GALK2: variants seen among roughly 807,000 people sequenced by gnomAD.
GALK2 encodes galactokinase 2, also known as N-acetylgalactosamine kinase.
Under a neutral mutation model 52.4 loss-of-function variants are expected in GALK2, and 36 were observed. The observed-to-expected ratio is 0.69, with a 90% CI of 0.53 to 0.91. The LOEUF is 0.91. Among genes scored for constraint, GALK2 ranks in the 40% least tolerant of loss-of-function variants. The pLI is 0.00. For synonymous variants in GALK2, 176 were observed against 199.1 expected, an observed-to-expected ratio of 0.88 and a Z score of 0.98; for missense variants, 579 against 559.1, an observed-to-expected ratio of 1.04 and a Z score of -0.36.
At chr15:49,294,172 TAAATA>T (rs1191576704) in intron 8 of GALK2, among the ~76,000 whole-genome samples, 1 of 150,428 alleles carries the variant, frequency 6.6e-6, no homozygotes, top group African/African-American at 2.4e-5. Flanking sequence ...AATAAATAAA[TAAATA>T]AATAAATAAG....
intron 3 of GALK2, among the ~76,000 whole-genome samples, chr15:49,361,673 T>C (rs2044264828): frequency 6.6e-6 from 1 of 152,104 alleles, no homozygotes; most frequent in South Asian, 2.1e-4. Flanking sequence ...GAATTCCTTA[T>C]CTTTACTATT....
chr15:49,202,991 A>G (rs1473557119), intron 2 of GALK2, among the ~76,000 whole-genome samples: 5 of 151,992 alleles, frequency 3.3e-5, no homozygotes, highest in African/African-American at 1.2e-4. Context: ...AGTCATTTGT[A>G]TGTCTTCTTT....
intron 3 of GALK2, among the ~76,000 whole-genome samples, chr15:49,352,919 T>G (rs1328999510): frequency 6.6e-6 from 1 of 152,198 alleles, no homozygotes; most frequent in Non-Finnish European, 1.5e-5. Flanking sequence ...GTTACACTGG[T>G]GTTCTGTCTT....
chr15:49,288,787 T>C (rs1428951707), intron 7 of GALK2, among the ~76,000 whole-genome samples: 2 of 152,144 alleles, frequency 1.3e-5, no homozygotes, highest in African/African-American at 2.4e-5. Context: ...TTGAAAGCAG[T>C]GGTTGTTAGC....
chr15:49,170,266 T>C lies in GALK2; in HGVS notation c.-57T>C, dbSNP rs187183178. ...CCTGTCACAGAAGTCTCGTGATTGC[T>C]CTGGGAGCTTTGCTTAGACACTTGA... On this transcript the variant is annotated 5_prime_UTR_variant, in exon 1 of 10. Transcript: ENST00000560031. 35 of 1,553,904 alleles carry C rather than the reference T, an allele frequency of 2.3e-5. No homozygotes were observed. The African/African-American group carries it at 2.9e-4, about 13-fold the overall frequency.
intron 8 of GALK2, chr15:49,319,094 G>T: frequency 2.6e-6 from 1 of 378,000 alleles, no homozygotes; most frequent in Non-Finnish European, 5.1e-6. Context: ...GGGATTACAT[G>T]CACCCACCAT....
chr15:49,315,299 C>A (rs2036310701), intron 8 of GALK2, among the ~76,000 whole-genome samples: 1 of 152,138 alleles, frequency 6.6e-6, no homozygotes, highest in Non-Finnish European at 1.5e-5. Flanking sequence ...ATCATGCATG[C>A]AATGAACATA....
At chr15:49,247,551 C>G (rs531696787) in intron 5 of GALK2, among the ~76,000 whole-genome samples, 40 of 152,302 alleles carry the variant, frequency 2.6e-4, no homozygotes, top group Admixed American at 1.4e-3. Flanking sequence ...GACCATCTAT[C>G]TCATACAAAG....
intron 5 of GALK2, among the ~76,000 whole-genome samples, chr15:49,251,822 CAT>C (rs2091614775): frequency 6.6e-6 from 1 of 152,096 alleles, no homozygotes. Flanking sequence ...ACTTCCTAAA[CAT>C]AAAAAATAGC....
chr15:49,264,602 T>A (rs1016343673), intron 5 of GALK2, among the ~76,000 whole-genome samples: 10 of 152,210 alleles, frequency 6.6e-5, no homozygotes, highest in African/African-American at 2.2e-4. Flanking sequence ...CCAGCTTTGT[T>A]CCATTGCTGG....
At position 49,296,757 on chromosome 15, in the gene GALK2, G is replaced by A. The variant is rs149998488; in HGVS notation, c.967+4220G>A. 6.4e-3 allele frequency among the ~76,000 whole-genome samples: 968 copies of A among 152,108 alleles called. 15 individuals carry two copies. Among genetic ancestry groups the A allele is most frequent in the African/African-American group, 0.022 (912 of 41,514 alleles). ...TGGGGTTATAGGCACCTGCCACTAC[G>A]CCCAGCTAATTTTTTGTATTTTTAG... On this transcript the variant is annotated intron_variant, in intron 8 of 9. Coordinates refer to ENST00000560031, the MANE Select transcript of GALK2 (RefSeq NM_002044.4).
intron 5 of GALK2, among the ~76,000 whole-genome samples, chr15:49,269,423 A>G (rs981854768): frequency 6.6e-6 from 1 of 152,170 alleles, no homozygotes; most frequent in Non-Finnish European, 1.5e-5. Context: ...AGTTGTGCCC[A>G]AGAACCCACA....
intron 1 of GALK2, among the ~76,000 whole-genome samples, chr15:49,183,766 C>A: frequency 6.6e-6 from 1 of 151,770 alleles, no homozygotes; most frequent in Non-Finnish European, 1.5e-5. Context: ...TGGCTTGAAC[C>A]CGGGAGGCAG....
intron 3 of GALK2, among the ~76,000 whole-genome samples, chr15:49,223,811 C>T (rs1198764304): frequency 1.3e-5 from 2 of 151,890 alleles, no homozygotes; most frequent in South Asian, 4.2e-4. Context: ...TGCGTTGATT[C>T]CATGTGTTTG....
intron 2 of GALK2, among the ~76,000 whole-genome samples, chr15:49,216,164 C>G (rs1455524445): frequency 1.3e-5 from 2 of 152,304 alleles, no homozygotes; most frequent in Middle Eastern, 3.4e-3. Flanking sequence ...TGGCACTGTG[C>G]TAGGTCACAC....
intron 7 of GALK2, among the ~76,000 whole-genome samples, chr15:49,292,001 A>G (rs1311046626): frequency 6.6e-6 from 1 of 152,170 alleles, no homozygotes; most frequent in African/African-American, 2.4e-5. Flanking sequence ...AGGATAAAAG[A>G]GTAAAATTAT....
At chr15:49,265,764 T>C (rs2092338614) in intron 5 of GALK2, among the ~76,000 whole-genome samples, 1 of 152,224 alleles carries the variant, frequency 6.6e-6, no homozygotes, top group South Asian at 2.1e-4. Context: ...AACAAAATGT[T>C]TGAAATTGTT....
chr15:49,331,827 T>A lies in GALK2; in HGVS notation c.*3668T>A, dbSNP rs780285961. ...AAGTCCTGTTTCACTTCATGAGGTT[T>A]CTTGGTAGCCTTTGCTTGGAGTCTA... On this transcript the variant is annotated 3_prime_UTR_variant, in exon 10 of 10. Coordinates refer to ENST00000560031, the MANE Select transcript of GALK2 (RefSeq NM_002044.4). 1 of 1,611,448 alleles carries A rather than the reference T, an allele frequency of 6.2e-7. No individual in the cohort carries two copies. The highest frequency in any genetic ancestry group is 8.5e-7 in the Non-Finnish European group (1 of 1,177,642).
rs373193840 is a variant in GALK2, at chr15:49,201,766, A to G, written c.142+516A>G. 1.5e-4 allele frequency among the ~76,000 whole-genome samples: 23 copies of G among 152,308 alleles called. No homozygotes were observed. The South Asian group carries it at 4.1e-3, about 27-fold the overall frequency. On this transcript the variant is annotated intron_variant, in intron 2 of 9. Coordinates refer to ENST00000560031, the MANE Select transcript of GALK2 (RefSeq NM_002044.4). ...CATTTTGTTTACTATCATTTTATCA[A>G]TGTCCCTATATATAATAATTGACAT...
Sources: gnomAD v4.1 joint callset for allele counts (sites outside exome capture counted in the v4.1 genomes callset) on GRCh38, gnomAD v4.1.1 for gene constraint, MANE v1.5 for transcripts, NCBI Gene and HGNC (gene_info 2026-07-23, HGNC 2026-07-21) for gene names.